Variants in SINHCAF observed in about 807,000 individuals in gnomAD.
SINHCAF encodes SIN3-HDAC complex-associated factor.
Under a neutral mutation model 25.8 loss-of-function variants are expected in SINHCAF, and 3 were observed. That is an observed-to-expected ratio of 0.12 (90% CI 0.05 to 0.30). The LOEUF is 0.30. SINHCAF is among the 10% of genes least tolerant of loss of function. SINHCAF has a pLI of 1.00. For synonymous variants in SINHCAF, 70 were observed against 85.5 expected, an observed-to-expected ratio of 0.82 and a Z score of 1.00; for missense variants, 121 against 262.3, an observed-to-expected ratio of 0.46 and a Z score of 3.72.
intron 4 of SINHCAF, among the ~76,000 whole-genome samples, chr12:31,291,237 C>T (rs532785565): frequency 6.6e-6 from 1 of 152,286 alleles, no homozygotes; most frequent in East Asian, 1.9e-4. Context: ...GAAATCACTG[C>T]AGATTTTGAA....
At position 31,282,520 on chromosome 12, in the gene SINHCAF, G is replaced by T; in HGVS notation, c.*192C>A. 2.2e-6 allele frequency: 1 copy of T among 449,038 alleles called. No individual in the cohort carries two copies. Among genetic ancestry groups the T allele is most frequent in the South Asian group, 4.7e-5 (1 of 21,414 alleles). 27.8% of individuals were successfully genotyped at this position (449,038 alleles called of 1,614,324 possible). On this transcript the variant is annotated 3_prime_UTR_variant, in exon 6 of 6. Coordinates refer to ENST00000337682, the MANE Select transcript of SINHCAF (RefSeq NM_001135812.2). ...ACCTATAAACCCAGCTACTTGGGAG[G>T]CTGAGGCAGGAGAATCACTTGAACC...
intron 1 of SINHCAF, chr12:31,298,489 G>T (rs1938640665): frequency 2.7e-6 from 1 of 366,860 alleles, no homozygotes. Context: ...CTAAAAATGG[G>T]GAAGAGAAGC....
intron 1 of SINHCAF, among the ~76,000 whole-genome samples, chr12:31,299,979 A>C (rs1938720076): frequency 6.6e-6 from 1 of 152,244 alleles, no homozygotes; most frequent in Admixed American, 6.5e-5. Flanking sequence ...GGTACAAAAA[A>C]ATATGGTATC....
intron 5 of SINHCAF, among the ~76,000 whole-genome samples, chr12:31,285,228 A>C (rs1937988959): frequency 6.6e-6 from 1 of 152,012 alleles, no homozygotes; most frequent in Admixed American, 6.6e-5. Context: ...TCTCTACTAA[A>C]AATACAAAAA....
In SINHCAF at chr12:31,325,194, G is replaced by A. The variant is rs1229649888; in HGVS notation, c.-21+830C>T. The A allele has an allele frequency of 2.2e-6, 1 of 456,802 alleles. No individual in the cohort carries two copies. The highest frequency in any genetic ancestry group is 2.0e-5 in the African/African-American group (1 of 50,222). 28.3% of individuals were successfully genotyped at this position (456,802 alleles called of 1,614,324 possible). A position where few individuals can be genotyped will look rare whatever the true frequency, so the allele number is the denominator to read the frequency against. ...CCCATAAACGGGAAGCCCTCGCGGT[G>A]TCGCCCACACCTACGCTACAGGTGA... is the stretch of plus-strand genomic sequence containing the variant. On this transcript the variant is annotated intron_variant, in intron 1 of 5. Coordinates refer to ENST00000337682, the MANE Select transcript of SINHCAF (RefSeq NM_001135812.2). This position sits in a 1 kb window ranked among gnomAD's most constrained non-coding sequence, Gnocchi z 5.9.
chr12:31,291,551 G>A (rs899710164), intron 4 of SINHCAF, among the ~76,000 whole-genome samples: 4 of 152,202 alleles, frequency 2.6e-5, no homozygotes, highest in African/African-American at 9.6e-5. Context: ...ATCACCTGAG[G>A]TCAGGAGTTC....
At chr12:31,323,835 G>A (rs1939816696) in intron 1 of SINHCAF, 1 of 425,888 alleles carries the variant, frequency 2.3e-6, no homozygotes, top group Non-Finnish European at 4.8e-6. Context: ...GGGTCCCCTG[G>A]ACTTGCGGGC....
chr12:31,284,000 TAA>T (rs1937928897), intron 5 of SINHCAF, among the ~76,000 whole-genome samples: 1 of 152,212 alleles, frequency 6.6e-6, no homozygotes, highest in African/African-American at 2.4e-5. Flanking sequence ...TGTGAATATA[TAA>T]CACAGTTTTA....
intron 1 of SINHCAF, among the ~76,000 whole-genome samples, chr12:31,305,696 A>T (rs1205630431): frequency 4.7e-4 from 62 of 130,768 alleles, no homozygotes; most frequent in Admixed American, 7.7e-4. Context: ...ATATAGGCCA[A>T]TTTTTTTTTT....
intron 4 of SINHCAF, among the ~76,000 whole-genome samples, chr12:31,290,934 G>C (rs1440805064): frequency 6.6e-6 from 1 of 152,098 alleles, no homozygotes; most frequent in Non-Finnish European, 1.5e-5. Flanking sequence ...GGTCAGGCTG[G>C]TCTCAAACTC....
intron 1 of SINHCAF, chr12:31,323,888 T>A (rs1404223487): frequency 7.1e-5 from 32 of 447,892 alleles, no homozygotes; most frequent in Admixed American, 7.1e-4. Context: ...CCTCACCCGT[T>A]TCTCTGAAAG....
At chr12:31,298,042 ACT>A in intron 2 of SINHCAF, 33 bp downstream of exon 2, 1 of 1,591,704 alleles carries the variant, frequency 6.3e-7, no homozygotes, top group Non-Finnish European at 8.6e-7. Context: ...GTATTTTTTC[ACT>A]CTAAGAATAG....
chr12:31,302,031 CTA>C (rs796299814), intron 1 of SINHCAF, among the ~76,000 whole-genome samples: 7 of 152,210 alleles, frequency 4.6e-5, no homozygotes, highest in African/African-American at 1.7e-4. Flanking sequence ...AATTTTGCCT[CTA>C]TTCTCATAGG....
chr12:31,312,082 T>C (rs1939292119), intron 1 of SINHCAF: 1 of 496,516 alleles, frequency 2.0e-6, no homozygotes, highest in African/African-American at 2.0e-5. Context: ...CAGTCACTGT[T>C]CCCTGGTCCC....
At chr12:31,307,729 A>T (rs1033694766) in intron 1 of SINHCAF, among the ~76,000 whole-genome samples, 12 of 152,180 alleles carry the variant, frequency 7.9e-5, no homozygotes, top group Non-Finnish European at 1.6e-4. Flanking sequence ...GCAGTAAGGG[A>T]GAGGACCCCA....
intron 1 of SINHCAF, among the ~76,000 whole-genome samples, chr12:31,316,344 C>A (rs915952176): frequency 6.6e-6 from 1 of 151,988 alleles, no homozygotes; most frequent in Non-Finnish European, 1.5e-5. Flanking sequence ...TTTTAAAACA[C>A]AACAATCAAT....
chr12:31,325,196 C>A lies in SINHCAF; in HGVS notation c.-21+828G>T. ...CATAAACGGGAAGCCCTCGCGGTGT[C>A]GCCCACACCTACGCTACAGGTGAAC... On this transcript the variant is annotated intron_variant, in intron 1 of 5. Transcript: ENST00000337682. The surrounding 1 kb of genome is among the most constrained non-coding windows in gnomAD (Gnocchi z 5.9). 2.2e-6 allele frequency: 1 copy of A among 456,740 alleles called. No homozygotes were observed. The highest frequency in any genetic ancestry group is 1.5e-5 in the South Asian group (1 of 64,566). 28.3% of individuals were successfully genotyped at this position (456,740 alleles called of 1,614,324 possible). A position where few individuals can be genotyped will look rare whatever the true frequency, so the allele number is the denominator to read the frequency against.
chr12:31,284,043 A>G (rs1284841193), intron 5 of SINHCAF, among the ~76,000 whole-genome samples: 1 of 152,214 alleles, frequency 6.6e-6, no homozygotes, highest in African/African-American at 2.4e-5. Context: ...TGTATAAATC[A>G]GTGGACACAT....
At chr12:31,309,127 C>CAAAAAAAAAAAAAAAAAAAAAAAAAAAA (rs757095598) in intron 1 of SINHCAF, among the ~76,000 whole-genome samples, 1 of 75,420 alleles carries the variant, frequency 1.3e-5, no homozygotes. Flanking sequence ...GATTCTGTCT[C>CAAAAAAAAAAAAAAAAAAAAAAAAAAAA]AAAAAAAAAA....
Sources: allele counts gnomAD v4.1 joint callset (sites outside exome capture counted in the v4.1 genomes callset), GRCh38; gene constraint gnomAD v4.1.1; non-coding constraint Gnocchi (gnomAD v3.1); transcripts MANE v1.5; gene names NCBI Gene and HGNC (gene_info 2026-07-23, HGNC 2026-07-21).